Variants in UNC5D observed in about 807,000 individuals in gnomAD.
UNC5D encodes netrin receptor UNC5D.
UNC5D carries 39 observed loss-of-function variants against 105.4 expected under a neutral mutation model. The ratio of observed to expected loss-of-function variants is 0.37; its 90% CI spans 0.29 to 0.48. The LOEUF (loss-of-function observed/expected upper bound fraction) is 0.48, where lower values mean the gene tolerates loss of function less well. UNC5D is among the 20% of genes least tolerant of loss of function. The pLI is 0.98. For missense variants in UNC5D, 991 were observed against 1,202.4 expected (o/e 0.82, Z 2.60); for synonymous variants, 452 against 450.4 (o/e 1.00, Z -0.04).
chr8:35,437,162 A>C (rs1435400340), intron 1 of UNC5D, among the ~76,000 whole-genome samples: 2 of 152,066 alleles, frequency 1.3e-5, no homozygotes, highest in Non-Finnish European at 2.9e-5. Flanking sequence ...TCTAAGGGAC[A>C]AAGTATGCTC....
chr8:35,254,906 T>G (rs1168779095), intron 1 of UNC5D: 4 of 152,060 alleles, frequency 2.6e-5, no homozygotes, highest in Non-Finnish European at 5.9e-5. Context: ...AATGAAAAAA[T>G]CAAAGAAGCA....
chr8:35,403,401 T>A (rs1750359031), intron 1 of UNC5D, among the ~76,000 whole-genome samples: 2 of 152,130 alleles, frequency 1.3e-5, no homozygotes, highest in Admixed American at 1.3e-4. Flanking sequence ...CCAAATCCAT[T>A]GTGATGCATA....
intron 1 of UNC5D, among the ~76,000 whole-genome samples, chr8:35,478,254 C>T (rs1423628524): frequency 6.6e-6 from 1 of 152,058 alleles, no homozygotes; most frequent in Non-Finnish European, 1.5e-5. Context: ...TGTGAGCCCA[C>T]ATCAGAAAGT....
chr8:35,354,694 C>A (rs1215853818), intron 1 of UNC5D, among the ~76,000 whole-genome samples: 1 of 152,070 alleles, frequency 6.6e-6, no homozygotes, highest in Non-Finnish European at 1.5e-5. Flanking sequence ...TCCAATATAT[C>A]CTTTGCTGCA....
intron 3 of UNC5D, among the ~76,000 whole-genome samples, chr8:35,572,807 T>C (rs1055197557): frequency 1.4e-4 from 21 of 148,626 alleles, no homozygotes; most frequent in Non-Finnish European, 2.4e-4. Flanking sequence ...TATATTTCTT[T>C]TTTTTTTTTT....
intron 1 of UNC5D, among the ~76,000 whole-genome samples, chr8:35,236,920 G>C (rs1277445202): frequency 6.6e-6 from 1 of 152,122 alleles, no homozygotes; most frequent in African/African-American, 2.4e-5. Context: ...ACACTTGCCA[G>C]GGGAGAGGTG....
At chr8:35,657,276 A>G (rs979654109) in intron 4 of UNC5D, among the ~76,000 whole-genome samples, 3 of 151,308 alleles carry the variant, frequency 2.0e-5, no homozygotes, top group African/African-American at 7.3e-5. Context: ...ACTAATTTCC[A>G]TTTGCAGAAA....
intron 4 of UNC5D, among the ~76,000 whole-genome samples, chr8:35,662,373 A>G (rs958219673): frequency 3.9e-5 from 6 of 152,174 alleles, no homozygotes; most frequent in Admixed American, 1.3e-4. Flanking sequence ...CCCTCAGGTG[A>G]TGCTGCATTA....
chr8:35,272,307 T>C (rs1805464528), intron 1 of UNC5D, among the ~76,000 whole-genome samples: 1 of 152,152 alleles, frequency 6.6e-6, no homozygotes, highest in African/African-American at 2.4e-5. Context: ...CCGTCCTTGG[T>C]TGGGTTCCCC....
At chr8:35,748,347 C>A (rs961435386) in intron 11 of UNC5D, among the ~76,000 whole-genome samples, 180 bp from the exon 12 acceptor site, 4 of 152,128 alleles carry the variant, frequency 2.6e-5, no homozygotes, top group South Asian at 2.1e-4. Flanking sequence ...AAACTCCTTC[C>A]GTGTGTCTGA....
chr8:35,613,345 G>T (rs1304811072), intron 4 of UNC5D, among the ~76,000 whole-genome samples: 2 of 152,216 alleles, frequency 1.3e-5, no homozygotes. Flanking sequence ...CAAGTGCTGG[G>T]ATTAGAGACC....
chr8:35,329,113 C>T (rs923786856), intron 1 of UNC5D, among the ~76,000 whole-genome samples: 2 of 152,216 alleles, frequency 1.3e-5, no homozygotes, highest in African/African-American at 2.4e-5. Flanking sequence ...CTAACTTCCT[C>T]TAATCATCAC....
chr8:35,722,385 A>G lies in UNC5D; in HGVS notation c.1293A>G (p.Thr431=). 1 of 1,613,800 alleles carries G rather than the reference A, an allele frequency of 6.2e-7. No homozygotes were observed. The highest frequency in any genetic ancestry group is 8.5e-7 in the Non-Finnish European group (1 of 1,179,906). ...TGGFQTFNFK[T]VRQGNSLLLN... ...GCTTCCAGACCTTCAACTTCAAAAC[A>G]GTCCGTCAAGGTCAGCGGCATAGGT... The change falls in exon 9 of 17, where the codon ACA becomes ACG. Residue 431 remains threonine (T), a synonymous_variant. Coordinates refer to ENST00000404895, the MANE Select transcript of UNC5D (RefSeq NM_080872.4).
chr8:35,368,361 CCA>C (rs201938872), intron 1 of UNC5D, among the ~76,000 whole-genome samples: 22 of 151,344 alleles, frequency 1.5e-4, no homozygotes, highest in Admixed American at 4.6e-4. Flanking sequence ...ACCCACCCAC[CCA>C]CACACACACA....
chr8:35,739,622 G>T (rs1829658274), intron 11 of UNC5D, among the ~76,000 whole-genome samples: 1 of 152,114 alleles, frequency 6.6e-6, no homozygotes, highest in African/African-American at 2.4e-5. Flanking sequence ...TGAATGGAAG[G>T]TGTACCTTAA....
intron 4 of UNC5D, among the ~76,000 whole-genome samples, chr8:35,630,271 T>A (rs945454240): frequency 7.9e-5 from 12 of 152,224 alleles, no homozygotes; most frequent in African/African-American, 1.9e-4. Flanking sequence ...TACTCTTTTA[T>A]CCAATGATCT....
intron 11 of UNC5D, among the ~76,000 whole-genome samples, chr8:35,731,570 A>C (rs2131576924): frequency 6.6e-6 from 1 of 152,244 alleles, no homozygotes; most frequent in Non-Finnish European, 1.5e-5. Flanking sequence ...CTACTGGCTG[A>C]AATGAAACCA....
chr8:35,506,556 T>G (rs1455138808), intron 1 of UNC5D, among the ~76,000 whole-genome samples: 1 of 152,212 alleles, frequency 6.6e-6, no homozygotes, highest in Non-Finnish European at 1.5e-5. Flanking sequence ...ATTTGAGGAC[T>G]GAAGATTTAA....
intron 1 of UNC5D, among the ~76,000 whole-genome samples, chr8:35,403,572 T>G (rs1179258271): frequency 1.3e-5 from 2 of 152,204 alleles, no homozygotes; most frequent in Admixed American, 6.5e-5. Flanking sequence ...GCAAAACACA[T>G]AACAATTGAG....
Sources: gnomAD v4.1 joint callset for allele counts (sites outside exome capture counted in the v4.1 genomes callset) on GRCh38, gnomAD v4.1.1 for gene constraint, MANE v1.5 for transcripts, NCBI Gene and HGNC (gene_info 2026-07-23, HGNC 2026-07-21) for gene names.